CACNA2D3: variants seen among roughly 807,000 people sequenced by gnomAD.
The protein encoded by CACNA2D3 is calcium voltage-gated channel auxiliary subunit alpha2delta 3.
Under a neutral mutation model 160.6 loss-of-function variants are expected in CACNA2D3, and 60 were observed. The observed-to-expected ratio is 0.37, with a 90% CI of 0.30 to 0.46. The LOEUF (loss-of-function observed/expected upper bound fraction) is 0.46, where lower values mean the gene tolerates loss of function less well. Ranked by LOEUF, CACNA2D3 falls within the 20% of genes least tolerant of loss-of-function variation. CACNA2D3 has a pLI of 1.00. For synonymous variants in CACNA2D3, 558 were observed against 492.9 expected (o/e 1.13, Z -1.75); for missense variants, 1,205 against 1,365.0 (o/e 0.88, Z 1.85).
At chr3:54,497,481 T>C (rs372648895) in intron 4 of CACNA2D3, among the ~76,000 whole-genome samples, 26 of 152,216 alleles carry the variant, frequency 1.7e-4, no homozygotes, top group African/African-American at 5.8e-4. Flanking sequence ...TCTGTGATCT[T>C]GTTAACTCTC....
intron 27 of CACNA2D3, among the ~76,000 whole-genome samples, chr3:54,923,638 G>T (rs1380215662): frequency 6.6e-6 from 1 of 152,172 alleles, no homozygotes; most frequent in East Asian, 1.9e-4. Flanking sequence ...TCAGTGCCTG[G>T]CATACAAAAG....
chr3:54,850,019 C>T (rs1344541611), intron 17 of CACNA2D3, among the ~76,000 whole-genome samples: 2 of 152,316 alleles, frequency 1.3e-5, no homozygotes, highest in East Asian at 1.9e-4. Context: ...ACAGCTCAGA[C>T]ATAGGGGCCT....
At chr3:54,916,930 G>T (rs1000347599) in intron 27 of CACNA2D3, among the ~76,000 whole-genome samples, 2 of 152,194 alleles carry the variant, frequency 1.3e-5, no homozygotes, top group Non-Finnish European at 2.9e-5. Context: ...GGCATCTGTG[G>T]TGCTGAGCTA....
intron 3 of CACNA2D3, among the ~76,000 whole-genome samples, chr3:54,370,043 A>C (rs541223106): frequency 6.6e-6 from 1 of 152,244 alleles, no homozygotes; most frequent in Non-Finnish European, 1.5e-5. Flanking sequence ...ATCTTCACGT[A>C]GCATATGAGC....
intron 29 of CACNA2D3, among the ~76,000 whole-genome samples, chr3:54,976,360 T>C (rs977298408): frequency 2.0e-5 from 3 of 149,556 alleles, no homozygotes; most frequent in Non-Finnish European, 3.0e-5. Flanking sequence ...AGAGATAGCA[T>C]TGGGAGATAT....
At chr3:54,892,028 G>T (rs1391643590) in intron 25 of CACNA2D3, among the ~76,000 whole-genome samples, 1 of 152,144 alleles carries the variant, frequency 6.6e-6, no homozygotes, top group Non-Finnish European at 1.5e-5. Flanking sequence ...GAGTTTCCAG[G>T]TCTAGTACCC....
intron 28 of CACNA2D3, 120 bp from the exon 29 acceptor site, chr3:54,969,680 T>C: frequency 2.8e-6 from 2 of 716,060 alleles, no homozygotes; most frequent in Non-Finnish European, 4.8e-6. Flanking sequence ...AATTGGGTAT[T>C]TGAATTCTAG....
intron 2 of CACNA2D3, among the ~76,000 whole-genome samples, chr3:54,171,136 C>CTTTTTGTTTTTTTTTTTT (rs1700558119): frequency 1.6e-5 from 1 of 62,542 alleles, no homozygotes; most frequent in African/African-American, 5.5e-5. Flanking sequence ...AAGATGATGA[C>CTTTTTGTTTTTTTTTTTT]TTTTTTTTTT....
At chr3:54,335,947 T>C (rs868477029) in intron 3 of CACNA2D3, among the ~76,000 whole-genome samples, 1 of 135,008 alleles carries the variant, frequency 7.4e-6, no homozygotes, top group African/African-American at 2.8e-5. Flanking sequence ...GAGTTTGCAG[T>C]GAGCTGAGAT....
chr3:54,154,938 T>G (rs898570143), intron 2 of CACNA2D3, among the ~76,000 whole-genome samples: 9 of 152,236 alleles, frequency 5.9e-5, no homozygotes, highest in African/African-American at 2.2e-4. Context: ...TAAATTGACT[T>G]ACTTAAAAAA....
At chr3:54,494,219 A>T (rs536262616) in intron 4 of CACNA2D3, among the ~76,000 whole-genome samples, 1 of 152,228 alleles carries the variant, frequency 6.6e-6, no homozygotes. Context: ...CATTGATCAT[A>T]TGGACAAAAC....
intron 2 of CACNA2D3, among the ~76,000 whole-genome samples, chr3:54,247,914 C>A (rs915381272): frequency 1.3e-5 from 2 of 152,086 alleles, no homozygotes; most frequent in African/African-American, 4.8e-5. Flanking sequence ...GATGCTCAAA[C>A]TACTGACCAA....
chr3:54,597,238 C>A (rs530478590), intron 9 of CACNA2D3, among the ~76,000 whole-genome samples: 1 of 152,290 alleles, frequency 6.6e-6, no homozygotes, highest in African/African-American at 2.4e-5. Flanking sequence ...CTGATCTTTT[C>A]CCACTGTGGG....
intron 11 of CACNA2D3, among the ~76,000 whole-genome samples, chr3:54,742,006 A>G (rs1355637135): frequency 2.0e-5 from 3 of 152,028 alleles, no homozygotes; most frequent in South Asian, 2.1e-4. Context: ...AGCTAGGACT[A>G]CAGGCGAGTA....
chr3:54,696,827 C>T (rs1027714443), intron 11 of CACNA2D3, among the ~76,000 whole-genome samples: 13 of 152,224 alleles, frequency 8.5e-5, no homozygotes, highest in Non-Finnish European at 1.5e-4. Flanking sequence ...ATCATCCTTG[C>T]TTACTTCCCA....
At chr3:54,641,039 T>C (rs1443380691) in intron 10 of CACNA2D3, among the ~76,000 whole-genome samples, 3 of 147,512 alleles carry the variant, frequency 2.0e-5, no homozygotes, top group Non-Finnish European at 3.0e-5. Flanking sequence ...TTTGGATCTA[T>C]TGGAAAAAAA....
rs568180316 is a variant in CACNA2D3, at chr3:54,462,026, C to T, written c.382-41466C>T. ...AACATCTTTATTTCTGCCTTCATTTCGTTATGTACCCTGTAGTCATTCAGG... is the reference window on the plus strand; with the variant it reads ...AACATCTTTATTTCTGCCTTCATTTTGTTATGTACCCTGTAGTCATTCAGG... On this transcript the variant is annotated intron_variant, in intron 4 of 37. Coordinates refer to ENST00000474759, the MANE Select transcript of CACNA2D3 (RefSeq NM_018398.3). Among the ~76,000 whole-genome samples the T allele has an allele frequency of 1.3e-3, 191 of 152,232 alleles. 1 individual carries two copies. Among genetic ancestry groups the T allele is most frequent in the Non-Finnish European group, 2.1e-3 (143 of 68,018 alleles).
Position 54,882,371 on chromosome 3 carries a change from C to CCT in CACNA2D3, c.1912+1524_1912+1525dup, listed in dbSNP as rs139886978. Among the ~76,000 whole-genome samples the CCT allele has an allele frequency of 2.5e-3, 376 of 150,802 alleles. 1 individual carries two copies. The highest frequency in any genetic ancestry group is 0.012 in the East Asian group (63 of 5,140). ...CAATACATGGGCCTGTCCCTCCCTT[C>CCT]CTCTCTCTCTCTCTCTCACACACAC... On this transcript the variant is annotated intron_variant, in intron 21 of 37. Transcript: ENST00000474759.
chr3:54,524,917 T>C (rs1701701276), intron 5 of CACNA2D3, among the ~76,000 whole-genome samples: 1 of 152,164 alleles, frequency 6.6e-6, no homozygotes, highest in African/African-American at 2.4e-5. Context: ...ATAGATAACA[T>C]GTACTTGGTG....
Sources: allele counts gnomAD v4.1 joint callset (sites outside exome capture counted in the v4.1 genomes callset), GRCh38; gene constraint gnomAD v4.1.1; transcripts MANE v1.5; gene names NCBI Gene and HGNC (gene_info 2026-07-23, HGNC 2026-07-21).